The following EDNRB variants were observed in gnomAD, a reference collection of about 807,000 sequenced individuals.
EDNRB encodes endothelin receptor type B.
In EDNRB, 18 loss-of-function variants were observed where a neutral mutation model predicts 46.4. The observed-to-expected ratio is 0.39, with a 90% confidence interval of 0.27 to 0.57. The LOEUF (loss-of-function observed/expected upper bound fraction) is 0.57. Among genes scored for constraint, EDNRB ranks in the 20% least tolerant of loss-of-function variants. EDNRB has a pLI of 0.61. For missense variants in EDNRB, 434 were observed against 537.5 expected, an observed-to-expected ratio of 0.81 and a Z score of 1.90; for synonymous variants, 213 against 204.9, an observed-to-expected ratio of 1.04 and a Z score of -0.34.
chr13:77,919,448 C>G (rs548782417), upstream of EDNRB: 2 of 1,612,664 alleles, frequency 1.2e-6, no homozygotes, highest in Non-Finnish European at 1.7e-6. Context: ...ACCACCTTCC[C>G]GGGAGGCGGA....
intron 1 of EDNRB, among the ~76,000 whole-genome samples, chr13:77,953,253 C>T (rs746759266): frequency 9.9e-5 from 15 of 151,972 alleles, no homozygotes; most frequent in Non-Finnish European, 1.6e-4. Flanking sequence ...TGACCAGTTC[C>T]TGAGTAACTG....
At chr13:77,954,528 T>TTTA (rs1881180127) in intron 1 of EDNRB, among the ~76,000 whole-genome samples, 17 of 131,432 alleles carry the variant, frequency 1.3e-4, no homozygotes, top group Admixed American at 1.3e-3. Flanking sequence ...TTATTTATTT[T>TTTA]TGAGACAGAG....
At chr13:77,907,106 A>G (rs1879320229) in intron 1 of EDNRB, among the ~76,000 whole-genome samples, 1 of 152,028 alleles carries the variant, frequency 6.6e-6, no homozygotes, top group Non-Finnish European at 1.5e-5. Context: ...ACCTAGTGCG[A>G]TGGTTAACTT....
At chr13:77,940,881 G>A (rs1007269128) in intron 1 of EDNRB, among the ~76,000 whole-genome samples, 2 of 152,166 alleles carry the variant, frequency 1.3e-5, no homozygotes, top group African/African-American at 2.4e-5. Flanking sequence ...CACAAGATGT[G>A]GTCTCTGTGT....
Position 77,897,136 on chromosome 13 carries a change from T to C in EDNRB, c.*1064A>G, listed in dbSNP as rs918539314. ...GAGGGTGCTACCTGCCCCTTTGTCA[T>C]GTGGACACTGCACCAGGCAGTTCAC... On this transcript the variant is annotated 3_prime_UTR_variant, in exon 7 of 7. Coordinates refer to ENST00000646607, the MANE Select transcript of EDNRB (RefSeq NM_001122659.3). The C allele has an allele frequency of 3.0e-6, 3 of 985,762 alleles. No individual in the cohort carries two copies. The highest frequency in any genetic ancestry group is 3.6e-6 in the Non-Finnish European group (3 of 830,276). The allele number at this position is 985,762 out of a possible 1,614,324, so 61.1% of individuals were successfully genotyped here.
chr13:77,946,322 GA>G (rs1880913552), intron 1 of EDNRB, among the ~76,000 whole-genome samples: 1 of 152,242 alleles, frequency 6.6e-6, no homozygotes, highest in East Asian at 1.9e-4. Flanking sequence ...GGGAAGGGGG[GA>G]AAAGGGTACA....
intron 1 of EDNRB, among the ~76,000 whole-genome samples, chr13:77,971,511 T>C (rs539395554): frequency 2.6e-5 from 4 of 152,154 alleles, no homozygotes; most frequent in African/African-American, 7.2e-5. Context: ...TGCCATTTTT[T>C]TTTTCTTTCT....
intron 1 of EDNRB, among the ~76,000 whole-genome samples, chr13:77,949,460 A>G (rs1467689050): frequency 6.6e-6 from 1 of 152,088 alleles, no homozygotes; most frequent in African/African-American, 2.4e-5. Context: ...TAGGTTTTAG[A>G]CATGCATCAC....
In EDNRB at chr13:77,898,002, A is replaced by T. The variant is rs1878721592; in HGVS notation, c.*198T>A. On this transcript the variant is annotated 3_prime_UTR_variant, in exon 7 of 7. Transcript: ENST00000646607. ...TCACGACGAGGCTTTCTTAATTCCCACTGATTTTCTTTCCATGCCGTAAAC... is the reference window on the plus strand; with the variant it reads ...TCACGACGAGGCTTTCTTAATTCCCTCTGATTTTCTTTCCATGCCGTAAAC... 7.3e-7 allele frequency: 1 copy of T among 1,378,716 alleles called. No individual in the cohort carries two copies. Among genetic ancestry groups the T allele is most frequent in the Admixed American group, 3.1e-5 (1 of 32,774 alleles). The allele number at this position is 1,378,716 out of a possible 1,614,324, so 85.4% of individuals were successfully genotyped here. A position where few individuals can be genotyped will look rare whatever the true frequency, so the allele number is the denominator to read the frequency against.
chr13:77,905,562 A>T (rs1336401293), intron 1 of EDNRB, among the ~76,000 whole-genome samples: 3 of 151,900 alleles, frequency 2.0e-5, no homozygotes, highest in Admixed American at 2.0e-4. Flanking sequence ...TTTACACTAT[A>T]GTGAGGGAGG....
chr13:77,923,509 A>G (rs1055159624), upstream of EDNRB, among the ~76,000 whole-genome samples: 1 of 152,216 alleles, frequency 6.6e-6, no homozygotes, highest in Admixed American at 6.5e-5. Flanking sequence ...TGGAGAAAAC[A>G]CTATCATTAC....
chr13:77,961,213 T>C (rs932167348), intron 1 of EDNRB, among the ~76,000 whole-genome samples: 3 of 151,596 alleles, frequency 2.0e-5, no homozygotes, highest in Non-Finnish European at 2.9e-5. Flanking sequence ...TCTACAGAAC[T>C]CTCCACCCCA....
chr13:77,967,730 A>G (rs1276433941), intron 1 of EDNRB, among the ~76,000 whole-genome samples: 1 of 152,202 alleles, frequency 6.6e-6, no homozygotes, highest in Non-Finnish European at 1.5e-5. Flanking sequence ...TTTTAGTATT[A>G]TCAGTTGACA....
At position 77,936,176 on chromosome 13, in the gene EDNRB, G is replaced by A. The variant is rs192760470; in HGVS notation, c.-51-17552C>T. ...GAGGTGTCTTATACTTGTGGGTTAAGGTGGGGAGATACAAGGGGAGGATGT... is the reference window on the plus strand; with the variant it reads ...GAGGTGTCTTATACTTGTGGGTTAAAGTGGGGAGATACAAGGGGAGGATGT... On this transcript the variant is annotated intron_variant, in intron 1 of 7. Coordinates refer to the EDNRB transcript ENST00000646948. Among the ~76,000 whole-genome samples, 32 of 152,236 alleles carry A rather than the reference G, an allele frequency of 2.1e-4. 1 individual carries two copies. The highest frequency in any genetic ancestry group is 6.5e-4 in the African/African-American group (27 of 41,546).
Position 77,896,336 on chromosome 13 carries a change from G to A in EDNRB, c.*1864C>T. 2.6e-6 allele frequency: 3 copies of A among 1,159,088 alleles called. No individual in the cohort carries two copies. Among genetic ancestry groups the A allele is most frequent in the South Asian group, 1.9e-5 (1 of 51,522 alleles). The allele number at this position is 1,159,088 out of a possible 1,614,324, so 71.8% of individuals were successfully genotyped here. ...ATTCAAAATTAATTTAAAATTGAGA[G>A]TCTAAAATGACTTCTATGATAACAG... On this transcript the variant is annotated 3_prime_UTR_variant, in exon 7 of 7. Coordinates refer to ENST00000646607, the MANE Select transcript of EDNRB (RefSeq NM_001122659.3).
At chr13:77,955,958 G>A (rs1392979383) in intron 1 of EDNRB, among the ~76,000 whole-genome samples, 3 of 151,982 alleles carry the variant, frequency 2.0e-5, no homozygotes, top group Non-Finnish European at 4.4e-5. Context: ...AAAATCGAGA[G>A]TGTGATATCT....
intron 1 of EDNRB, among the ~76,000 whole-genome samples, chr13:77,953,028 A>G (rs1881136242): frequency 6.6e-6 from 1 of 152,156 alleles, no homozygotes; most frequent in African/African-American, 2.4e-5. Context: ...TGGATTCCAA[A>G]CTGTGAGAGA....
At chr13:77,961,973 A>G (rs1881429284) in intron 1 of EDNRB, among the ~76,000 whole-genome samples, 1 of 152,210 alleles carries the variant, frequency 6.6e-6, no homozygotes, top group African/African-American at 2.4e-5. Flanking sequence ...ACAGAAATAC[A>G]AACTACCATC....
chr13:77,955,149 T>A (rs1881200223), intron 1 of EDNRB, among the ~76,000 whole-genome samples: 1 of 152,206 alleles, frequency 6.6e-6, no homozygotes, highest in South Asian at 2.1e-4. Flanking sequence ...TATTTATTTG[T>A]TGTTTGATAA....
Sources: gnomAD v4.1 joint callset for allele counts (sites outside exome capture counted in the v4.1 genomes callset) on GRCh38, gnomAD v4.1.1 for gene constraint, MANE v1.5 for transcripts, NCBI Gene and HGNC (gene_info 2026-07-23, HGNC 2026-07-21) for gene names.